CLASP1: variants seen among roughly 807,000 people sequenced by gnomAD.
CLASP1 encodes cytoplasmic linker associated protein 1.
CLASP1 carries 38 observed loss-of-function variants against 192.3 expected under a neutral mutation model. The observed-to-expected ratio is 0.20, with a 90% CI of 0.15 to 0.26. The LOEUF (loss-of-function observed/expected upper bound fraction) is 0.26, where lower values mean the gene tolerates loss of function less well. Among genes scored for constraint, CLASP1 ranks in the 10% least tolerant of loss-of-function variants. The pLI is 1.00. For synonymous variants in CLASP1, 691 were observed against 712.8 expected (o/e 0.97, Z 0.49); for missense variants, 1,433 against 1,932.5 (o/e 0.74, Z 4.85).
intron 6 of CLASP1, among the ~76,000 whole-genome samples, chr2:121,523,376 TACA>T (rs1412580902): frequency 6.6e-6 from 1 of 152,190 alleles, no homozygotes; most frequent in African/African-American, 2.4e-5. Context: ...CTAGAGACCT[TACA>T]AGTTAACCCT....
intron 10 of CLASP1, among the ~76,000 whole-genome samples, chr2:121,461,450 C>T (rs2087930190): frequency 6.6e-6 from 1 of 152,160 alleles, no homozygotes; most frequent in Non-Finnish European, 1.5e-5. Flanking sequence ...CAGATGATTT[C>T]ATGTACAAAG....
At chr2:121,480,148 C>T (rs2092469684) in intron 8 of CLASP1, among the ~76,000 whole-genome samples, 1 of 152,214 alleles carries the variant, frequency 6.6e-6, no homozygotes, top group South Asian at 2.1e-4. Flanking sequence ...CAGGTGACAA[C>T]TCAAAATTCA....
At chr2:121,397,821 C>A (rs549095774) in intron 29 of CLASP1, among the ~76,000 whole-genome samples, 4 of 152,290 alleles carry the variant, frequency 2.6e-5, no homozygotes, top group African/African-American at 9.6e-5. Context: ...AGATGATGAA[C>A]GTGACCTAAT....
At chr2:121,381,022 TAAA>T (rs769414612) in intron 33 of CLASP1, among the ~76,000 whole-genome samples, 2 of 151,626 alleles carry the variant, frequency 1.3e-5, no homozygotes, top group Non-Finnish European at 2.9e-5. Context: ...CAGCTAACCT[TAAA>T]AAAAAGAAAA....
chr2:121,441,591 C>T (rs572617298), intron 19 of CLASP1, among the ~76,000 whole-genome samples: 3 of 151,786 alleles, frequency 2.0e-5, no homozygotes, highest in Non-Finnish European at 2.9e-5. Flanking sequence ...GCCAGGCAGG[C>T]GTGGTGGTGC....
At chr2:121,501,399 C>G (rs1018904233) in intron 8 of CLASP1, among the ~76,000 whole-genome samples, 5 of 152,018 alleles carry the variant, frequency 3.3e-5, no homozygotes, top group African/African-American at 9.7e-5. Flanking sequence ...AATTCTGGCC[C>G]CAGCTCTACC....
At chr2:121,477,905 C>T (rs991416073) in intron 8 of CLASP1, among the ~76,000 whole-genome samples, 1 of 152,188 alleles carries the variant, frequency 6.6e-6, no homozygotes, top group African/African-American at 2.4e-5. Flanking sequence ...ACTATTGTCA[C>T]TTTGGTCTTA....
At chr2:121,478,503 A>C (rs1316824811) in intron 8 of CLASP1, among the ~76,000 whole-genome samples, 1 of 151,996 alleles carries the variant, frequency 6.6e-6, no homozygotes, top group Non-Finnish European at 1.5e-5. Flanking sequence ...CAGGAGGCTG[A>C]GGCAGGAGGA....
At chr2:121,482,872 G>C (rs1347421963) in intron 8 of CLASP1, among the ~76,000 whole-genome samples, 1 of 152,152 alleles carries the variant, frequency 6.6e-6, no homozygotes, top group Non-Finnish European at 1.5e-5. Flanking sequence ...ATGTGTGTTA[G>C]TGCCTCAAAC....
intron 2 of CLASP1, among the ~76,000 whole-genome samples, chr2:121,587,290 G>C (rs1207506155): frequency 6.6e-6 from 1 of 152,024 alleles, no homozygotes; most frequent in Non-Finnish European, 1.5e-5. Flanking sequence ...GAACCTTAAG[G>C]GGTAAGAGGT....
intron 6 of CLASP1, among the ~76,000 whole-genome samples, chr2:121,517,383 T>G (rs939153680): frequency 1.3e-5 from 2 of 152,200 alleles, no homozygotes; most frequent in African/African-American, 4.8e-5. Context: ...TCCTCTGATT[T>G]AACAGTGTTA....
intron 19 of CLASP1, among the ~76,000 whole-genome samples, chr2:121,440,799 A>G (rs1345515162): frequency 6.6e-6 from 1 of 151,158 alleles, no homozygotes; most frequent in Non-Finnish European, 1.5e-5. Context: ...AGGGAGAAAA[A>G]AAAGTCAGCA....
intron 9 of CLASP1, among the ~76,000 whole-genome samples, chr2:121,466,728 A>G (rs2089663288): frequency 6.6e-6 from 1 of 152,264 alleles, no homozygotes; most frequent in African/African-American, 2.4e-5. Context: ...GAAATCTCCT[A>G]CAATTTATTT....
intron 8 of CLASP1, among the ~76,000 whole-genome samples, chr2:121,481,758 C>T (rs1455291211): frequency 2.0e-5 from 3 of 152,124 alleles, no homozygotes; most frequent in Non-Finnish European, 2.9e-5. Context: ...GAGAGGATAC[C>T]GCCTCTGAAT....
chr2:121,465,238 T>C (rs1262525613), intron 9 of CLASP1, among the ~76,000 whole-genome samples: 1 of 152,222 alleles, frequency 6.6e-6, no homozygotes, highest in East Asian at 1.9e-4. Flanking sequence ...TTGTCCCTGT[T>C]TGCAGATGAC....
At chr2:121,407,713 C>T in exon 25 of CLASP1, 1 of 1,613,864 alleles carries the variant, frequency 6.2e-7, no homozygotes, top group Non-Finnish European at 8.5e-7. Context: ...TCACAGGCTT[C>T]TTCTGACAGG....
intron 26 of CLASP1, chr2:121,403,377 G>A (rs187501539): frequency 8.8e-6 from 4 of 456,542 alleles, no homozygotes; most frequent in Admixed American, 2.3e-5. Context: ...TGAATGGGTG[G>A]ATGGATGTTT....
intron 30 of CLASP1, among the ~76,000 whole-genome samples, chr2:121,390,581 T>C (rs1477960605): frequency 6.6e-6 from 1 of 152,228 alleles, no homozygotes; most frequent in Admixed American, 6.5e-5. Context: ...TCTTGAATGT[T>C]GCACATCTTA....
exon 33 of CLASP1, chr2:121,382,223 C>A: frequency 8.7e-6 from 14 of 1,607,884 alleles, no homozygotes; most frequent in Non-Finnish European, 1.2e-5. Context: ...AGAGTAAGAG[C>A]GCCTGAGAGC....
Sources: gnomAD v4.1 joint callset for allele counts (sites outside exome capture counted in the v4.1 genomes callset) on GRCh38, gnomAD v4.1.1 for gene constraint, MANE v1.5 for transcripts, NCBI Gene and HGNC (gene_info 2026-07-23, HGNC 2026-07-21) for gene names.